HCK: variants seen among roughly 807,000 people sequenced by gnomAD.
The protein encoded by HCK is HCK proto-oncogene, Src family tyrosine kinase, also known as tyrosine-protein kinase HCK.
Under a neutral mutation model 70.4 loss-of-function variants are expected in HCK, and 40 were observed. That is an observed-to-expected ratio of 0.57 (90% CI 0.44 to 0.74). The LOEUF is 0.74. Among genes scored for constraint, HCK ranks in the 30% least tolerant of loss-of-function variants. The pLI is 0.00. For synonymous variants in HCK, 245 were observed against 263.2 expected (o/e 0.93, Z 0.67); for missense variants, 568 against 697.2 (o/e 0.81, Z 2.09).
At chr20:32,059,419 C>CTCTTTCTT (rs3073296) in intron 1 of HCK, among the ~76,000 whole-genome samples, 2 of 145,180 alleles carry the variant, frequency 1.4e-5, no homozygotes, top group African/African-American at 5.1e-5. Context: ...TTCTCTCTCT[C>CTCTTTCTT]TCTTTCTTTC....
intron 1 of HCK, among the ~76,000 whole-genome samples, chr20:32,063,977 T>C (rs1010693330): frequency 6.3e-5 from 9 of 143,908 alleles, no homozygotes; most frequent in Admixed American, 2.1e-4. Flanking sequence ...TTGAATCACA[T>C]GCCCATCTCT....
rs1276194772 is a variant in HCK at position 32,094,061 on chromosome 20, T to C, written c.1246+45T>C. 3 of 1,578,388 alleles carry C rather than the reference T, an allele frequency of 1.9e-6. No homozygotes were observed. In the South Asian group the frequency reaches 3.4e-5, roughly 18 times the overall value. On this transcript the variant is annotated intron_variant, in intron 11 of 12. Coordinates refer to ENST00000375852, the MANE Select transcript of HCK (RefSeq NM_002110.5). ...AGCCCCACGTTGCCCATTTGGATGCTTGTGAGTGTTGAGAGTTGATACTTG... is the reference window on the plus strand; with the variant it reads ...AGCCCCACGTTGCCCATTTGGATGCCTGTGAGTGTTGAGAGTTGATACTTG...
intron 4 of HCK, 89 bp from the exon 5 acceptor site, chr20:32,074,534 G>T: frequency 1.1e-6 from 1 of 921,034 alleles, no homozygotes; most frequent in Non-Finnish European, 1.8e-6. Flanking sequence ...CTGGAGGCAG[G>T]GAGTTTTCTA....
At chr20:32,064,892 G>A (rs142918435) in intron 1 of HCK, among the ~76,000 whole-genome samples, 65 of 152,368 alleles carry the variant, frequency 4.3e-4, no homozygotes, top group African/African-American at 1.3e-3. Flanking sequence ...GCAGTGGCCC[G>A]AGGAAGTATC....
At chr20:32,081,708 T>A (rs1254861738) in intron 6 of HCK, among the ~76,000 whole-genome samples, 1 of 152,176 alleles carries the variant, frequency 6.6e-6, no homozygotes, top group Non-Finnish European at 1.5e-5. Flanking sequence ...ACGAGCCCCA[T>A]TCAAGCCCCC....
intron 1 of HCK, chr20:32,069,776 TC>T (rs1469655517): frequency 7.8e-7 from 1 of 1,274,002 alleles, no homozygotes. Context: ...ATAAAAGGAA[TC>T]TTTTTTCATT....
rs1454890953 is a variant in HCK at position 32,074,627 on chromosome 20, G to A, written c.334G>A (p.Gly112Arg). 8.1e-6 allele frequency: 13 copies of A among 1,609,420 alleles called. No homozygotes were observed. Among genetic ancestry groups the A allele is most frequent in the East Asian group, 2.2e-5 (1 of 44,854 alleles). Reference sequence around the variant, plus strand: ...TTACTCCCTCATGTCCCTCAGATCCGGGGAGTGGTGGAAGGCTCGATCCCT... The same window carrying A: ...TTACTCCCTCATGTCCCTCAGATCCAGGGAGTGGTGGAAGGCTCGATCCCT... The change falls in exon 5 of 13, where the codon GGG becomes AGG. Residue 112 changes from glycine (G) to arginine (R), a missense_variant. Transcript: ENST00000375852.
intron 5 of HCK, among the ~76,000 whole-genome samples, chr20:32,076,080 C>T (rs381619): frequency 0.21 from 31,849 of 151,804 alleles, 3,628 homozygotes; most frequent in South Asian, 0.26. Flanking sequence ...CCCAGCACTT[C>T]GGGAGGCCAA....
chr20:32,098,531 A>G (rs879693405), intron 11 of HCK, among the ~76,000 whole-genome samples: 2 of 152,152 alleles, frequency 1.3e-5, no homozygotes, highest in African/African-American at 2.4e-5. Context: ...ATGTCAGACT[A>G]GGTGGGAGGA....
chr20:32,073,391 T>A (rs2045572831), intron 3 of HCK, 30 bp downstream of exon 3: 1 of 1,593,526 alleles, frequency 6.3e-7, no homozygotes, highest in East Asian at 2.2e-5. Flanking sequence ...TGCAGTGGAG[T>A]CATGTGTCCT....
intron 5 of HCK, among the ~76,000 whole-genome samples, chr20:32,076,049 A>T (rs1472699575): frequency 6.6e-6 from 1 of 152,114 alleles, no homozygotes; most frequent in Non-Finnish European, 1.5e-5. Flanking sequence ...CTGGCTGGGC[A>T]TGGTGGCTCA....
intron 9 of HCK, among the ~76,000 whole-genome samples, chr20:32,087,066 G>A (rs1344423520): frequency 6.6e-6 from 1 of 152,194 alleles, no homozygotes; most frequent in African/African-American, 2.4e-5. Context: ...GAATACTCCT[G>A]GGCAATGGGA....
At chr20:32,064,459 G>A (rs1051281613) in intron 1 of HCK, among the ~76,000 whole-genome samples, 2 of 152,200 alleles carry the variant, frequency 1.3e-5, no homozygotes, top group South Asian at 2.1e-4. Context: ...AAGAAGGGGG[G>A]AATGGATTCT....
chr20:32,077,197 C>T (rs1201388549), intron 5 of HCK, among the ~76,000 whole-genome samples: 1 of 152,196 alleles, frequency 6.6e-6, no homozygotes, highest in Non-Finnish European at 1.5e-5. Context: ...CTGGGGAGCA[C>T]AACTGGGACC....
intron 8 of HCK, among the ~76,000 whole-genome samples, chr20:32,085,649 G>A (rs1037426752): frequency 6.6e-6 from 1 of 152,148 alleles, no homozygotes; most frequent in African/African-American, 2.4e-5. Context: ...GGAAGCCCAC[G>A]GTTCTGGATT....
In HCK at chr20:32,086,654, G is replaced by T. The variant is rs2045791292; in HGVS notation, c.862G>T (p.Ala288Ser). The change falls in exon 9 of 13, where the codon GCA becomes TCA. Residue 288 changes from alanine to serine, a missense_variant. Transcript: ENST00000375852. ...CACCTACAACAAGCACACCAAGGTGGCAGTGAAGACGATGAAGCCAGGGAG... is the reference window on the plus strand; with the variant it reads ...CACCTACAACAAGCACACCAAGGTGTCAGTGAAGACGATGAAGCCAGGGAG... 1.2e-6 allele frequency: 2 copies of T among 1,612,792 alleles called. No homozygotes were observed. Among genetic ancestry groups the T allele is most frequent in the East Asian group, 2.2e-5 (1 of 44,730 alleles).
chr20:32,096,216 C>T (rs1035148855), intron 11 of HCK, among the ~76,000 whole-genome samples: 1 of 151,140 alleles, frequency 6.6e-6, no homozygotes, highest in Non-Finnish European at 1.5e-5. Context: ...GAGACGGGTG[C>T]GGCCGGGCAC....
intron 11 of HCK, 131 bp from the exon 12 acceptor site, chr20:32,098,873 G>C (rs961754998): frequency 3.4e-5 from 33 of 959,254 alleles, no homozygotes; most frequent in Non-Finnish European, 5.0e-5. Flanking sequence ...GGGAGGCCAC[G>C]TATCAGGGAA....
chr20:32,093,571 G>A (rs2045893894), intron 10 of HCK, among the ~76,000 whole-genome samples: 1 of 151,950 alleles, frequency 6.6e-6, no homozygotes, highest in African/African-American at 2.4e-5. Context: ...ATAGGTCCTG[G>A]AGAAATAGTC....
Sources: allele counts gnomAD v4.1 joint callset (sites outside exome capture counted in the v4.1 genomes callset), GRCh38; gene constraint gnomAD v4.1.1; transcripts MANE v1.5; gene names NCBI Gene and HGNC (gene_info 2026-07-23, HGNC 2026-07-21).